The following OXSR1 variants were observed in gnomAD, a reference collection of about 807,000 sequenced individuals.
OXSR1 encodes oxidative stress responsive kinase 1, also known as serine/threonine-protein kinase OSR1.
Under a neutral mutation model 79.8 loss-of-function variants are expected in OXSR1, and 24 were observed. The ratio of observed to expected loss-of-function variants is 0.30; its 90% confidence interval spans 0.22 to 0.42. OXSR1 has a LOEUF of 0.42. Ranked by LOEUF, OXSR1 falls within the 10% of genes least tolerant of loss-of-function variation. The pLI is 1.00. For synonymous variants in OXSR1, 226 were observed against 209.2 expected (o/e 1.08, Z -0.69); for missense variants, 430 against 618.4 (o/e 0.70, Z 3.23).
intron 8 of OXSR1, among the ~76,000 whole-genome samples, chr3:38,229,435 A>G (rs1702759758): frequency 6.6e-6 from 1 of 152,028 alleles, no homozygotes. Flanking sequence ...CTTCCAGAAA[A>G]AACATTTCAC....
chr3:38,196,894 A>G (rs1702080734), intron 3 of OXSR1, among the ~76,000 whole-genome samples: 1 of 152,244 alleles, frequency 6.6e-6, no homozygotes, highest in Non-Finnish European at 1.5e-5. Context: ...CATTTCCAGT[A>G]GGAATTGGTT....
chr3:38,253,212 A>G lies in OXSR1; in HGVS notation c.*321A>G, dbSNP rs1441262562. The G allele has an allele frequency of 6.8e-6, 2 of 292,734 alleles. No individual in the cohort carries two copies. Among genetic ancestry groups the G allele is most frequent in the South Asian group, 6.5e-5 (1 of 15,288 alleles). The allele number at this position is 292,734 out of a possible 1,614,324, so 18.1% of individuals were successfully genotyped here. Reference sequence around the variant, plus strand: ...GTCAGCTCATTCTTGCCTTACTCCAATGATGGCCCAGGTGGAAAAGTAGCA... The same window carrying G: ...GTCAGCTCATTCTTGCCTTACTCCAGTGATGGCCCAGGTGGAAAAGTAGCA... On this transcript the variant is annotated 3_prime_UTR_variant, in exon 18 of 18. Coordinates refer to ENST00000311806, the MANE Select transcript of OXSR1 (RefSeq NM_005109.3).
intron 8 of OXSR1, among the ~76,000 whole-genome samples, chr3:38,229,310 G>T (rs941290937): frequency 4.6e-5 from 7 of 151,808 alleles, no homozygotes; most frequent in Non-Finnish European, 8.8e-5. Flanking sequence ...ATATTTTTAT[G>T]CCTTGCTAAA....
rs1299296338 is a variant in OXSR1, at chr3:38,189,261, A to C, written c.184-1470A>C. ...TTTTTCCTTCATGCTGTTTCTCAGC[A>C]GAATCATCTTGCAACATTAACATCT... is the stretch of plus-strand genomic sequence containing the variant. On this transcript the variant is annotated intron_variant, in intron 2 of 17. Coordinates refer to ENST00000311806, the MANE Select transcript of OXSR1 (RefSeq NM_005109.3). 2.0e-5 allele frequency among the ~76,000 whole-genome samples: 3 copies of C among 152,124 alleles called. No individual in the cohort carries two copies. The East Asian group carries it at 5.8e-4, about 29-fold the overall frequency.
At chr3:38,179,554 A>G (rs1334440113) in intron 1 of OXSR1, among the ~76,000 whole-genome samples, 1 of 152,200 alleles carries the variant, frequency 6.6e-6, no homozygotes, top group Non-Finnish European at 1.5e-5. Flanking sequence ...GAGTTGTACA[A>G]CCATCACCAT....
chr3:38,178,620 A>ATTTTTT (rs71085303), intron 1 of OXSR1, among the ~76,000 whole-genome samples: 5 of 95,102 alleles, frequency 5.3e-5, no homozygotes, highest in East Asian at 3.2e-4. Flanking sequence ...ATATATATAT[A>ATTTTTT]TTTTTTTTTT....
chr3:38,224,822 A>G, intron 8 of OXSR1, 118 bp downstream of exon 8: 1 of 713,156 alleles, frequency 1.4e-6, no homozygotes, highest in African/African-American at 1.8e-5. Context: ...AAACTTTAAA[A>G]AAGTATACAG....
intron 1 of OXSR1, among the ~76,000 whole-genome samples, chr3:38,169,651 A>G (rs1701538084): frequency 6.7e-6 from 1 of 148,432 alleles, no homozygotes; most frequent in South Asian, 2.1e-4. Flanking sequence ...GTGTGTTTGT[A>G]TGTGTATTCA....
intron 1 of OXSR1, among the ~76,000 whole-genome samples, chr3:38,180,000 G>T (rs1360970615): frequency 6.6e-6 from 1 of 152,070 alleles, no homozygotes; most frequent in South Asian, 2.1e-4. Flanking sequence ...GTAGAGACAG[G>T]GTTTCACTAT....
At position 38,216,086 on chromosome 3, in the gene OXSR1, T is replaced by G. The variant is rs371746724; in HGVS notation, c.435-10T>G. ...TTTTTTGATACATAACTTTTTTTTT[T>G]TTTTTAAAGAGATGTGAAAGCTGGA... On this transcript the variant is annotated splice_polypyrimidine_tract_variant and intron_variant, in intron 4 of 17. Transcript: ENST00000311806. 3.4e-5 allele frequency: 54 copies of G among 1,566,008 alleles called. No individual in the cohort carries two copies. The African/African-American group carries it at 6.8e-4, about 20-fold the overall frequency.
At chr3:38,177,206 C>A (rs1251794319) in intron 1 of OXSR1, among the ~76,000 whole-genome samples, 1 of 152,234 alleles carries the variant, frequency 6.6e-6, no homozygotes, top group African/African-American at 2.4e-5. Context: ...GCATGATTAG[C>A]TTCCTTCTCC....
At chr3:38,252,168 T>C (rs1330643324) in intron 16 of OXSR1, among the ~76,000 whole-genome samples, 160 bp from the exon 17 acceptor site, 1 of 152,228 alleles carries the variant, frequency 6.6e-6, no homozygotes, top group African/African-American at 2.4e-5. Context: ...GAAATGAGTT[T>C]AAAAGACACT....
At chr3:38,186,393 T>G (rs532541454) in intron 2 of OXSR1, among the ~76,000 whole-genome samples, 12 of 152,330 alleles carry the variant, frequency 7.9e-5, no homozygotes, top group African/African-American at 2.4e-4. Flanking sequence ...GTTTTTAGTT[T>G]ATTCGCAAAG....
At chr3:38,237,240 T>C (rs1365085790) in intron 11 of OXSR1, among the ~76,000 whole-genome samples, 1 of 152,172 alleles carries the variant, frequency 6.6e-6, no homozygotes, top group Non-Finnish European at 1.5e-5. Flanking sequence ...TAATGGCCAA[T>C]TAGACATTGC....
intron 10 of OXSR1, among the ~76,000 whole-genome samples, chr3:38,231,124 G>C (rs1702797855): frequency 1.3e-5 from 2 of 152,192 alleles, no homozygotes; most frequent in Non-Finnish European, 2.9e-5. Context: ...ATGTCTAGCA[G>C]TGGCTTATTC....
At chr3:38,164,562 G>C (rs764574722), upstream of OXSR1, among the ~76,000 whole-genome samples, 7 of 152,146 alleles carry the variant, frequency 4.6e-5, no homozygotes, top group Non-Finnish European at 1.0e-4. Context: ...AATTTACCAA[G>C]CGTGTTCAGT....
intron 3 of OXSR1, among the ~76,000 whole-genome samples, chr3:38,191,252 A>G (rs1701980385): frequency 6.7e-6 from 1 of 150,002 alleles, no homozygotes; most frequent in African/African-American, 2.4e-5. Flanking sequence ...TTTTTTGGAG[A>G]TGGGGTCTCA....
intron 3 of OXSR1, chr3:38,193,566 A>C: frequency 2.4e-6 from 1 of 417,234 alleles, no homozygotes; most frequent in Admixed American, 3.2e-5. Context: ...TCTCTCGTCC[A>C]TATCTGTATG....
At chr3:38,193,429 A>G in intron 3 of OXSR1, 1 of 1,258,828 alleles carries the variant, frequency 7.9e-7, no homozygotes, top group African/African-American at 1.5e-5. Context: ...GTAATACTGT[A>G]TCTTTCGTTA....
Sources: allele counts gnomAD v4.1 joint callset (sites outside exome capture counted in the v4.1 genomes callset), GRCh38; gene constraint gnomAD v4.1.1; transcripts MANE v1.5; gene names NCBI Gene and HGNC (gene_info 2026-07-23, HGNC 2026-07-21).